The following ATG7 variants were observed in gnomAD, a reference collection of about 807,000 sequenced individuals.
ATG7 encodes autophagy related 7, also known as ubiquitin-like modifier-activating enzyme ATG7.
A neutral mutation model predicts 82.4 loss-of-function variants in ATG7; 70 were observed. That is an observed-to-expected ratio of 0.85 (90% CI 0.70 to 1.04). The LOEUF is 1.04. ATG7 is among the 50% of genes least tolerant of loss of function. ATG7 has a pLI of 0.00. For missense variants in ATG7, 792 were observed against 864.3 expected, an observed-to-expected ratio of 0.92 and a Z score of 1.05; for synonymous variants, 287 against 313.0, an observed-to-expected ratio of 0.92 and a Z score of 0.88.
rs371081519 is a variant in ATG7, at chr3:11,373,064, C to CT, written c.1876-6899dup. ...TCGTTTTTATTACAGAAAGAGTTAA[C>CT]TTTTTTTTTGAAAAGCTGTTTAATG... is the stretch of plus-strand genomic sequence containing the variant. On this transcript the variant is annotated intron_variant, in intron 18 of 20. Transcript: ENST00000693202. Among the ~76,000 whole-genome samples the CT allele has an allele frequency of 4.2e-4, 63 of 150,258 alleles. 3 individuals carry two copies. Among genetic ancestry groups the CT allele is most frequent in the African/African-American group, 1.4e-3 (56 of 40,798 alleles).
intron 9 of ATG7, among the ~76,000 whole-genome samples, chr3:11,325,477 G>A (rs1950748017): frequency 1.3e-5 from 2 of 152,144 alleles, no homozygotes; most frequent in African/African-American, 4.8e-5. Flanking sequence ...TTCGTGACCA[G>A]CCTGACCAAC....
intron 20 of ATG7, among the ~76,000 whole-genome samples, chr3:11,490,844 G>A (rs1461109175): frequency 6.6e-6 from 1 of 152,222 alleles, no homozygotes; most frequent in African/African-American, 2.4e-5. Context: ...GACATCAGCT[G>A]TTAGCCTGAT....
At chr3:11,511,366 A>G (rs2092044745) in intron 20 of ATG7, among the ~76,000 whole-genome samples, 1 of 152,214 alleles carries the variant, frequency 6.6e-6, no homozygotes, top group Non-Finnish European at 1.5e-5. Flanking sequence ...GAGTTTCGAC[A>G]CACAGGTTCT....
At chr3:11,328,549 A>G (rs186480946) in intron 9 of ATG7, among the ~76,000 whole-genome samples, 151 of 152,372 alleles carry the variant, frequency 9.9e-4, no homozygotes, top group Admixed American at 1.6e-3. Context: ...AAAATTTTAT[A>G]TAACGGAAAA....
At chr3:11,450,057 G>C (rs1326931500) in intron 20 of ATG7, among the ~76,000 whole-genome samples, 1 of 152,170 alleles carries the variant, frequency 6.6e-6, no homozygotes, top group African/African-American at 2.4e-5. Flanking sequence ...TTCTTCTTTG[G>C]ATAATAATGA....
At chr3:11,573,294 AG>A in the ATG7 span, among the ~76,000 whole-genome samples, 3 of 11,260 alleles carry the variant, frequency 2.7e-4, no homozygotes, top group Non-Finnish European at 1.4e-4. Context: ...AAAGAAAGAA[AG>A]AAAGAAAGAA....
In ATG7 at chr3:11,358,622, G is replaced by A. The variant is rs1353676137; in HGVS notation, c.1479+10G>A. 2 of 1,610,526 alleles carry A rather than the reference G, an allele frequency of 1.2e-6. No individual in the cohort carries two copies. Among genetic ancestry groups the A allele is most frequent in the African/African-American group, 1.3e-5 (1 of 74,792 alleles). On this transcript the variant is annotated intron_variant, in intron 15 of 20. Transcript: ENST00000693202. The stretch of plus-strand genomic sequence containing the variant: ...TGCAAGCAAGAGAAAGGTAGGCCCT[G>A]TCTCTAATTATGATTTATGATTTAA...
At chr3:11,288,407 G>A (rs1944432299) in intron 3 of ATG7, among the ~76,000 whole-genome samples, 2 of 152,214 alleles carry the variant, frequency 1.3e-5, no homozygotes. Context: ...GAAGAAAGAT[G>A]AGTAAGACAT....
chr3:11,317,938 A>G (rs1949682781), intron 9 of ATG7, among the ~76,000 whole-genome samples: 1 of 152,202 alleles, frequency 6.6e-6, no homozygotes, highest in African/African-American at 2.4e-5. Context: ...GGGAAACTGC[A>G]TAACTTTTCT....
chr3:11,511,945 C>T (rs1053222650), intron 20 of ATG7, among the ~76,000 whole-genome samples: 14 of 152,282 alleles, frequency 9.2e-5, no homozygotes, highest in Middle Eastern at 3.4e-3. Flanking sequence ...CTGCAAGCGC[C>T]GCATGCAGCC....
At position 11,277,891 on chromosome 3, in the gene ATG7, A is replaced by ACCCCCCCCCCCCCCC. The variant is rs71626995; in HGVS notation, c.-365-3090_-365-3089insCCCCCCCCCCCCCCC. ...ACACTCCCAGAGCGGCCCTTTATAG[A>ACCCCCCCCCCCCCCC]CCCCCCCCCCCCCACCAGGAATGCA... is the stretch of plus-strand genomic sequence containing the variant. On this transcript the variant is annotated intron_variant, in intron 1 of 20. Transcript: ENST00000693202. 3.1e-4 allele frequency among the ~76,000 whole-genome samples: 19 copies of ACCCCCCCCCCCCCCC among 60,764 alleles called. 2 individuals are homozygous for ACCCCCCCCCCCCCCC. Among genetic ancestry groups the ACCCCCCCCCCCCCCC allele is most frequent in the African/African-American group, 4.1e-4 (6 of 14,678 alleles). 39.9% of individuals were successfully genotyped at this position (60,764 alleles called of 152,430 possible).
At chr3:11,547,421 G>A (rs1292754811) in intron 20 of ATG7, among the ~76,000 whole-genome samples, 9 of 152,270 alleles carry the variant, frequency 5.9e-5, no homozygotes, top group South Asian at 2.1e-4. Context: ...GTTTCCACTC[G>A]TTTCCTATTA....
chr3:11,527,071 GTATATATATA>G (rs59492212), intron 20 of ATG7, among the ~76,000 whole-genome samples: 1 of 127,416 alleles, frequency 7.8e-6, no homozygotes, highest in African/African-American at 3.1e-5. Flanking sequence ...GTGTGTGTGT[GTATATATATA>G]TATATATATA....
At chr3:11,356,673 C>T (rs948843288) in intron 14 of ATG7, among the ~76,000 whole-genome samples, 2 of 152,190 alleles carry the variant, frequency 1.3e-5, no homozygotes, top group African/African-American at 4.8e-5. Context: ...GATCAAGCTA[C>T]CACCATTTAA....
In ATG7 at chr3:11,527,041, ATGTGTG is replaced by A. The variant is rs370131709; in HGVS notation, c.2080-27744_2080-27739del. 7.1e-3 allele frequency among the ~76,000 whole-genome samples: 986 copies of A among 138,304 alleles called. 2 individuals carry two copies. Among genetic ancestry groups the A allele is most frequent in the African/African-American group, 8.9e-3 (333 of 37,462 alleles). 90.7% of individuals were successfully genotyped at this position (138,304 alleles called of 152,430 possible). ...AGTATATATATGTGTGTGTGTATAT[ATGTGTG>A]TGTGTGTGTGTGTGTGTGTGTGTGT... On this transcript the variant is annotated intron_variant, in intron 20 of 20. Transcript: ENST00000693202.
At chr3:11,439,253 G>A (rs2083657230) in intron 20 of ATG7, among the ~76,000 whole-genome samples, 1 of 151,684 alleles carries the variant, frequency 6.6e-6, no homozygotes, top group South Asian at 2.1e-4. Context: ...AGTTTTAGTA[G>A]GGATGGGGTT....
At chr3:11,534,637 C>T (rs1260016045) in intron 20 of ATG7, among the ~76,000 whole-genome samples, 1 of 152,236 alleles carries the variant, frequency 6.6e-6, no homozygotes, top group African/African-American at 2.4e-5. Flanking sequence ...TGCCACACGC[C>T]GTCTGTTAGC....
the ATG7 span, among the ~76,000 whole-genome samples, chr3:11,575,307 C>G: frequency 6.6e-6 from 1 of 152,238 alleles, no homozygotes; most frequent in Admixed American, 6.5e-5. Flanking sequence ...CTCTGTCTCT[C>G]TAACTGCGCC....
chr3:11,517,264 C>A (rs186613534), intron 20 of ATG7, among the ~76,000 whole-genome samples: 1 of 151,696 alleles, frequency 6.6e-6, no homozygotes, highest in South Asian at 2.1e-4. Flanking sequence ...TCGCTTGAAC[C>A]CAGGAGATGG....
Sources: gnomAD v4.1 joint callset for allele counts (sites outside exome capture counted in the v4.1 genomes callset) on GRCh38, gnomAD v4.1.1 for gene constraint, MANE v1.5 for transcripts, NCBI Gene and HGNC (gene_info 2026-07-23, HGNC 2026-07-21) for gene names.